Variants in UNC79 observed in about 807,000 individuals in gnomAD.
The protein encoded by UNC79 is protein unc-79 homolog.
A neutral mutation model predicts 283.1 loss-of-function variants in UNC79; 37 were observed. The observed-to-expected ratio is 0.13, with a 90% CI of 0.10 to 0.17. The LOEUF (loss-of-function observed/expected upper bound fraction) is 0.17. Among genes scored for constraint, UNC79 ranks in the 10% least tolerant of loss-of-function variants. UNC79 has a pLI of 1.00. For missense variants in UNC79, 2,272 were observed against 3,211.1 expected, an observed-to-expected ratio of 0.71 and a Z score of 7.07; for synonymous variants, 1,107 against 1,200.2, an observed-to-expected ratio of 0.92 and a Z score of 1.61.
intron 24 of UNC79, 72 bp from the exon 25 acceptor site, chr14:93,600,497 C>G: frequency 8.8e-7 from 1 of 1,134,132 alleles, no homozygotes; most frequent in Non-Finnish European, 1.3e-6. Flanking sequence ...CCTAGTATAT[C>G]GGCTTTGAAG....
intron 22 of UNC79, among the ~76,000 whole-genome samples, chr14:93,589,261 G>A (rs2064477457): frequency 6.6e-6 from 1 of 152,132 alleles, no homozygotes; most frequent in Admixed American, 6.6e-5. Flanking sequence ...ACTGGGGACC[G>A]GGGACTGGTG....
intron 1 of UNC79, among the ~76,000 whole-genome samples, chr14:93,440,304 G>A (rs1187285829): frequency 6.6e-6 from 1 of 152,058 alleles, no homozygotes; most frequent in Admixed American, 6.6e-5. Flanking sequence ...ATTTAATGTT[G>A]TGTATTTGTG....
At chr14:93,452,814 T>C (rs2056686789) in intron 1 of UNC79, among the ~76,000 whole-genome samples, 1 of 152,200 alleles carries the variant, frequency 6.6e-6, no homozygotes, top group Non-Finnish European at 1.5e-5. Flanking sequence ...GATAAAGTGC[T>C]TAGAACAGTG....
chr14:93,558,313 T>C (rs2062303518), intron 14 of UNC79, among the ~76,000 whole-genome samples: 2 of 152,128 alleles, frequency 1.3e-5, no homozygotes, highest in South Asian at 4.1e-4. Flanking sequence ...TCCCAGCACT[T>C]TGGGAGGCTG....
At chr14:93,587,796 T>C (rs1053585185) in intron 22 of UNC79, among the ~76,000 whole-genome samples, 1 of 152,218 alleles carries the variant, frequency 6.6e-6, no homozygotes, top group Non-Finnish European at 1.5e-5. Context: ...GTCATGTATA[T>C]GTAAGTCACT....
chr14:93,576,275 C>G (rs2063471250), intron 17 of UNC79, among the ~76,000 whole-genome samples: 1 of 152,018 alleles, frequency 6.6e-6, no homozygotes, highest in Non-Finnish European at 1.5e-5. Flanking sequence ...TCCTTTTTAC[C>G]TTAAAAATGG....
At chr14:93,497,358 C>G in intron 7 of UNC79, 72 bp downstream of exon 7, 2 of 1,492,342 alleles carry the variant, frequency 1.3e-6, no homozygotes, top group Non-Finnish European at 1.8e-6. Flanking sequence ...CCTACTTATA[C>G]ATACATTTTT....
intron 14 of UNC79, among the ~76,000 whole-genome samples, chr14:93,543,438 G>A (rs1447496897): frequency 6.6e-6 from 1 of 150,520 alleles, no homozygotes; most frequent in Non-Finnish European, 1.5e-5. Context: ...GGACCGCAGT[G>A]GTGTAGTCAT....
At chr14:93,559,797 C>A (rs1030330053) in intron 14 of UNC79, among the ~76,000 whole-genome samples, 7 of 152,220 alleles carry the variant, frequency 4.6e-5, no homozygotes, top group African/African-American at 1.7e-4. Flanking sequence ...CTGTGCAGGT[C>A]ACAGGGGATA....
upstream of UNC79, among the ~76,000 whole-genome samples, chr14:93,428,075 C>CA (rs1326977401): frequency 6.6e-6 from 1 of 151,834 alleles, no homozygotes; most frequent in Non-Finnish European, 1.5e-5. Context: ...CATTAGTCAC[C>CA]AAGAGATAAA....
intron 47 of UNC79, 56 bp downstream of exon 50, chr14:93,694,468 G>A (rs1422286580): frequency 2.0e-6 from 3 of 1,482,354 alleles, no homozygotes; most frequent in African/African-American, 1.4e-5. Context: ...AACAAATGTG[G>A]ATTTATGTTG....
chr14:93,571,888 C>T lies in UNC79; in HGVS notation c.1756-6C>T. 1 of 1,613,854 alleles carries T rather than the reference C, an allele frequency of 6.2e-7. No individual in the cohort carries two copies. Among genetic ancestry groups the T allele is most frequent in the Non-Finnish European group, 8.5e-7 (1 of 1,179,814 alleles). Reference sequence around the variant, plus strand: ...TTTTCCCCTGTGGCTATGGAAACCTCTTCAGGTTGGTGGCTACTGGGATAA... The same window carrying T: ...TTTTCCCCTGTGGCTATGGAAACCTTTTCAGGTTGGTGGCTACTGGGATAA... On this transcript the variant is annotated splice_region_variant and splice_polypyrimidine_tract_variant and intron_variant, in intron 14 of 48. Transcript: ENST00000555664.
intron 7 of UNC79, among the ~76,000 whole-genome samples, chr14:93,500,523 G>T (rs575943446): frequency 6.6e-6 from 1 of 152,152 alleles, no homozygotes; most frequent in African/African-American, 2.4e-5. Flanking sequence ...CTGCTGGTCA[G>T]ACATTGTTTA....
At chr14:93,357,153 T>A (rs762405941) in intron 1 of UNC79, among the ~76,000 whole-genome samples, 2 of 152,216 alleles carry the variant, frequency 1.3e-5, no homozygotes, top group Non-Finnish European at 2.9e-5. Context: ...GTGTGTTAAT[T>A]CACATAGGAC....
At chr14:93,443,394 A>G (rs1276969740) in intron 1 of UNC79, among the ~76,000 whole-genome samples, 1 of 149,030 alleles carries the variant, frequency 6.7e-6, no homozygotes, top group African/African-American at 2.5e-5. Flanking sequence ...AAATGGAATC[A>G]TTCAGTGCAT....
chr14:93,543,190 T>C (rs2141211569), intron 14 of UNC79, among the ~76,000 whole-genome samples: 1 of 145,590 alleles, frequency 6.9e-6, no homozygotes, highest in African/African-American at 2.5e-5. Flanking sequence ...CTTTTTTTCT[T>C]TTTTTAATCA....
chr14:93,546,799 G>C (rs1249730545), intron 14 of UNC79, among the ~76,000 whole-genome samples: 2 of 152,114 alleles, frequency 1.3e-5, no homozygotes, highest in African/African-American at 4.8e-5. Context: ...TGCTCCACTA[G>C]AGTTCTGGCA....
rs185334182 is a variant in UNC79 at position 93,511,500 on chromosome 14, T to C, written c.899-12478T>C. On this transcript the variant is annotated intron_variant, in intron 7 of 48. Transcript: ENST00000555664. ...GTCTCGCTTTGTCACCAGGCTGGAG[T>C]GTTGTGGTGCGATCTCGGCTCACTG... Among the ~76,000 whole-genome samples the C allele has an allele frequency of 4.3e-4, 65 of 152,226 alleles. No homozygotes were observed. In the East Asian group the frequency reaches 0.01, roughly 24 times the overall value.
chr14:93,587,672 A>G (rs937406473), intron 22 of UNC79, among the ~76,000 whole-genome samples: 2 of 152,232 alleles, frequency 1.3e-5, no homozygotes, highest in Admixed American at 1.3e-4. Context: ...AAAGGTGACC[A>G]TATAATTTAG....
Sources: allele counts gnomAD v4.1 joint callset (sites outside exome capture counted in the v4.1 genomes callset), GRCh38; gene constraint gnomAD v4.1.1; transcripts MANE v1.5; gene names NCBI Gene and HGNC (gene_info 2026-07-23, HGNC 2026-07-21).